Variants in GMPR observed in about 807,000 individuals in gnomAD.
GMPR encodes guanosine monophosphate reductase.
In GMPR, 31 loss-of-function variants were observed where a neutral mutation model predicts 38.4. The ratio of observed to expected loss-of-function variants is 0.81; its 90% confidence interval spans 0.61 to 1.09. The LOEUF (loss-of-function observed/expected upper bound fraction) is 1.09. Among genes scored for constraint, GMPR ranks in the 50% least tolerant of loss-of-function variants. The pLI is 0.00. For missense variants in GMPR, 468 were observed against 453.7 expected (o/e 1.03, Z -0.29); for synonymous variants, 162 against 173.3 (o/e 0.93, Z 0.51).
intron 4 of GMPR, among the ~76,000 whole-genome samples, chr6:16,267,057 G>T (rs1204574456): frequency 1.3e-5 from 2 of 151,180 alleles, no homozygotes; most frequent in Non-Finnish European, 3.0e-5. Context: ...CACGTCGGAC[G>T]TGCCACCTTT....
At chr6:16,243,256 C>T (rs1369654008) in intron 1 of GMPR, among the ~76,000 whole-genome samples, 6 of 152,184 alleles carry the variant, frequency 3.9e-5, no homozygotes, top group African/African-American at 1.4e-4. Context: ...AGCTGGAGCA[C>T]GAGTATTTTG....
intron 4 of GMPR, among the ~76,000 whole-genome samples, chr6:16,265,984 C>G (rs540150794): frequency 6.6e-6 from 1 of 152,180 alleles, no homozygotes; most frequent in South Asian, 2.1e-4. Flanking sequence ...GATGTGCAAC[C>G]TTTAAGAGCT....
chr6:16,249,549 C>T (rs191956319), intron 2 of GMPR, among the ~76,000 whole-genome samples: 94 of 152,288 alleles, frequency 6.2e-4, no homozygotes, highest in Non-Finnish European at 9.0e-4. Context: ...TCTCAAACTC[C>T]TGGGCTTAAG....
intron 2 of GMPR, 51 bp downstream of exon 2, chr6:16,247,012 G>A: frequency 1.9e-6 from 3 of 1,575,124 alleles, no homozygotes; most frequent in Non-Finnish European, 2.6e-6. Flanking sequence ...ACTGTGGACA[G>A]GTTATCAGGA....
At chr6:16,276,975 T>C (rs1384629300) in intron 5 of GMPR, among the ~76,000 whole-genome samples, 6 of 152,206 alleles carry the variant, frequency 3.9e-5, no homozygotes, top group African/African-American at 1.2e-4. Flanking sequence ...GTCTACCCTT[T>C]ATAGAGCCCT....
In GMPR at chr6:16,254,021, C is replaced by G. The variant is rs191288749; in HGVS notation, c.292-541C>G. Among the ~76,000 whole-genome samples the G allele has an allele frequency of 8.2e-4, 125 of 152,254 alleles. 2 individuals are homozygous for G. Among genetic ancestry groups the G allele is most frequent in the African/African-American group, 3.0e-3 (124 of 41,548 alleles). ...TCTCGGCTCACTGCAACCTCCGCCC[C>G]CCAGGTTCAAGCTATTCTCCTGCCT... On this transcript the variant is annotated intron_variant, in intron 3 of 8. Coordinates refer to ENST00000259727, the MANE Select transcript of GMPR (RefSeq NM_006877.4).
In GMPR at chr6:16,274,457, C is replaced by G. The variant is rs1759440189; in HGVS notation, c.508C>G (p.Leu170Val). ...AGGAGAAATGGTAGAAGAGCTTATT[C>G]TTTCCGGAGCAGATATCATCAAAGT... Reference protein sequence around the residue: ...VTGEMVEELILSGADIIKVGV... With the variant: ...VTGEMVEELIVSGADIIKVGV... The change falls in exon 5 of 9, where the codon CTT (leucine) becomes GTT (valine). Residue 170 changes from leucine to valine, a missense_variant. Coordinates refer to ENST00000259727, the MANE Select transcript of GMPR (RefSeq NM_006877.4). 1 of 1,610,092 alleles carries G rather than the reference C, an allele frequency of 6.2e-7. No individual in the cohort carries two copies. Among genetic ancestry groups the G allele is most frequent in the African/African-American group, 1.3e-5 (1 of 74,986 alleles).
intron 4 of GMPR, among the ~76,000 whole-genome samples, chr6:16,266,098 GTAA>G (rs1759205243): frequency 1.4e-5 from 1 of 70,576 alleles, no homozygotes; most frequent in South Asian, 3.6e-4. Context: ...TTTAAGAGCT[GTAA>G]CACTTGCCAT....
intron 8 of GMPR, among the ~76,000 whole-genome samples, chr6:16,291,346 C>T (rs1759838262): frequency 6.6e-6 from 1 of 152,006 alleles, no homozygotes; most frequent in African/African-American, 2.4e-5. Flanking sequence ...GCCTCAGCCT[C>T]CCGAATAACT....
intron 1 of GMPR, among the ~76,000 whole-genome samples, chr6:16,242,745 TCTC>T (rs1758675499): frequency 6.6e-6 from 1 of 152,110 alleles, no homozygotes; most frequent in Admixed American, 6.6e-5. Context: ...TTCAAGCAAT[TCTC>T]CTGCCTCAGC....
At chr6:16,266,229 G>A (rs780384292) in intron 4 of GMPR, among the ~76,000 whole-genome samples, 2 of 151,284 alleles carry the variant, frequency 1.3e-5, no homozygotes, top group African/African-American at 4.9e-5. Context: ...GAAGAACGCC[G>A]CGCGCACCAC....
chr6:16,238,590 C>G lies in GMPR; in HGVS notation c.-104C>G. The G allele has an allele frequency of 4.0e-6, 1 of 251,170 alleles. No homozygotes were observed. Among genetic ancestry groups the G allele is most frequent in the Non-Finnish European group, 6.4e-6 (1 of 157,172 alleles). The allele number at this position is 251,170 out of a possible 1,614,324, so 15.6% of individuals were successfully genotyped here. On this transcript the variant is annotated 5_prime_UTR_variant, in exon 1 of 9. Transcript: ENST00000259727. ...CCGCGGCGTGCGCACCCGGCCCACG[C>G]CAGCTCCCGGCCGCGGCACAGCAGC...
chr6:16,254,799 C>A, intron 4 of GMPR, 64 bp downstream of exon 4: 2 of 1,185,372 alleles, frequency 1.7e-6, no homozygotes, highest in Non-Finnish European at 2.5e-6. Flanking sequence ...GGGAGTTGTT[C>A]AATGTGTCGG....
At chr6:16,282,740 A>G (rs1759597599) in intron 6 of GMPR, among the ~76,000 whole-genome samples, 1 of 151,972 alleles carries the variant, frequency 6.6e-6, no homozygotes, top group African/African-American at 2.4e-5. Context: ...AGGAATAAGC[A>G]AGTATTTTTC....
In GMPR at chr6:16,295,257, C is replaced by A; in HGVS notation, c.*71C>A. On this transcript the variant is annotated 3_prime_UTR_variant, in exon 9 of 9. Coordinates refer to ENST00000259727, the MANE Select transcript of GMPR (RefSeq NM_006877.4). ...CTGCTTTTCCCATCTCCCCCCAAGT[C>A]TGTTCCGTCAGAGCTTCTGGCTGCT... is the stretch of plus-strand genomic sequence containing the variant. 1 of 1,173,830 alleles carries A rather than the reference C, an allele frequency of 8.5e-7. No homozygotes were observed. 72.7% of individuals were successfully genotyped at this position (1,173,830 alleles called of 1,614,324 possible).
At chr6:16,280,401 T>C (rs1458328554) in intron 6 of GMPR, among the ~76,000 whole-genome samples, 2 of 152,204 alleles carry the variant, frequency 1.3e-5, no homozygotes, top group African/African-American at 4.8e-5. Context: ...AGCAAGTCTC[T>C]ATTAAGCATC....
At chr6:16,259,284 A>G (rs1483358439) in intron 4 of GMPR, 2 of 151,968 alleles carry the variant, frequency 1.3e-5, no homozygotes, top group African/African-American at 2.4e-5. Context: ...TCACAAGGCA[A>G]TGTCATCAGT....
chr6:16,294,177 G>C (rs1486735380), intron 8 of GMPR, among the ~76,000 whole-genome samples: 1 of 152,178 alleles, frequency 6.6e-6, no homozygotes, highest in African/African-American at 2.4e-5. Context: ...CTGAAAATGT[G>C]AACGTTGCTA....
intron 5 of GMPR, among the ~76,000 whole-genome samples, chr6:16,275,818 G>T (rs573669067): frequency 6.6e-6 from 1 of 152,226 alleles, no homozygotes. Flanking sequence ...AGCACTTTGG[G>T]AGGCCAAGGT....
Sources: gnomAD v4.1 joint callset for allele counts (sites outside exome capture counted in the v4.1 genomes callset) on GRCh38, gnomAD v4.1.1 for gene constraint, MANE v1.5 for transcripts, NCBI Gene and HGNC (gene_info 2026-07-23, HGNC 2026-07-21) for gene names.